SLC28A1: variants seen among roughly 807,000 people sequenced by gnomAD.
SLC28A1 encodes sodium/nucleoside cotransporter 1.
In SLC28A1, 64 loss-of-function variants were observed where a neutral mutation model predicts 74.8. That is an observed-to-expected ratio of 0.86 (90% CI 0.70 to 1.05). SLC28A1 has a LOEUF of 1.05. Among genes scored for constraint, SLC28A1 ranks in the 50% least tolerant of loss-of-function variants. The pLI is 0.00. For missense variants in SLC28A1, 828 were observed against 822.8 expected (o/e 1.01, Z -0.08); for synonymous variants, 359 against 335.0 (o/e 1.07, Z -0.78).
Position 84,943,443 on chromosome 15 carries a change from A to G in SLC28A1, c.1582-2A>G. ...CTCCTCATGCATCTTCTGTATTTTC[A>G]GGTCAGAGCTGAAGTCCTCACGACG... is the stretch of plus-strand genomic sequence containing the variant. On this transcript the variant is annotated splice_acceptor_variant, in intron 15 of 18. Transcript: ENST00000394573. LOFTEE classifies it high-confidence loss of function. 1 of 1,612,408 alleles carries G rather than the reference A, an allele frequency of 6.2e-7. No individual in the cohort carries two copies. Among genetic ancestry groups the G allele is most frequent in the South Asian group, 1.1e-5 (1 of 91,028 alleles).
chr15:84,935,032 T>C lies in SLC28A1; in HGVS notation c.1221T>C (p.Ala407=), dbSNP rs1971717909. 6.2e-7 allele frequency: 1 copy of C among 1,613,894 alleles called. No homozygotes were observed. The highest frequency in any genetic ancestry group is 1.3e-5 in the African/African-American group (1 of 74,906). Residue 407 remains alanine (A), a synonymous_variant, in exon 14 of 19, where the codon GCT becomes GCC. Coordinates refer to ENST00000394573, the MANE Select transcript of SLC28A1 (RefSeq NM_004213.5). Reference sequence around the variant, plus strand: ...TTCTTGATCCCAACAACAGAGATGCTCAGAACCTCATAGAAGCAGCCAGCA... The same window carrying C: ...TTCTTGATCCCAACAACAGAGATGCCCAGAACCTCATAGAAGCAGCCAGCA... ...EEGVKLTYGD[A]QNLIEAASTG... is the part of the protein sequence containing the mutation.
chr15:84,908,570 G>A (rs1003627702), intron 8 of SLC28A1, 148 bp from the exon 9 acceptor site: 18 of 705,710 alleles, frequency 2.6e-5, no homozygotes, highest in South Asian at 6.0e-5. Flanking sequence ...CAGCTTTAAC[G>A]CACCTTGCCA....
chr15:84,902,162 T>A (rs1966744986), intron 6 of SLC28A1, among the ~76,000 whole-genome samples: 2 of 152,214 alleles, frequency 1.3e-5, no homozygotes, highest in African/African-American at 4.8e-5. Flanking sequence ...TTTTCTTTTT[T>A]AAAAATTTAT....
intron 5 of SLC28A1, among the ~76,000 whole-genome samples, chr15:84,892,204 A>C (rs1965442348): frequency 6.6e-6 from 1 of 152,166 alleles, no homozygotes. Flanking sequence ...TTTAAAAATA[A>C]AAATAAATTT....
chr15:84,885,570 A>G (rs1031423028), intron 1 of SLC28A1, among the ~76,000 whole-genome samples: 2 of 151,934 alleles, frequency 1.3e-5, no homozygotes, highest in Non-Finnish European at 2.9e-5. Context: ...CATCTCTACT[A>G]AAAATACAAA....
the SLC28A1 span, among the ~76,000 whole-genome samples, chr15:84,974,583 G>A: frequency 6.6e-6 from 1 of 152,210 alleles, no homozygotes; most frequent in Admixed American, 6.5e-5. Flanking sequence ...GTGGAAGGCA[G>A]GGGGAGAAGC....
intron 1 of SLC28A1, among the ~76,000 whole-genome samples, chr15:84,885,599 C>T (rs62020860): frequency 0.13 from 20,277 of 151,522 alleles, 1,860 homozygotes; most frequent in Non-Finnish European, 0.2. Flanking sequence ...GGTGTGGTGG[C>T]GCATGCCTGT....
chr15:84,946,059 C>CATAT (rs1337331938), downstream of SLC28A1, among the ~76,000 whole-genome samples: 2 of 77,340 alleles, frequency 2.6e-5, no homozygotes, highest in South Asian at 9.3e-4. Context: ...TATATACATA[C>CATAT]ATATATATAT....
At chr15:84,933,728 A>G (rs1429217177) in intron 13 of SLC28A1, among the ~76,000 whole-genome samples, 1 of 152,170 alleles carries the variant, frequency 6.6e-6, no homozygotes, top group Admixed American at 6.5e-5. Flanking sequence ...TAATCCCAGC[A>G]CTTTGGGAGG....
At chr15:84,957,738 A>G in the SLC28A1 span, among the ~76,000 whole-genome samples, 1 of 152,212 alleles carries the variant, frequency 6.6e-6, no homozygotes, top group Non-Finnish European at 1.5e-5. Flanking sequence ...AAGGTTTGGA[A>G]TCAGGAAGTA....
chr15:84,904,369 A>G, intron 7 of SLC28A1, 131 bp downstream of exon 7: 1 of 1,330,386 alleles, frequency 7.5e-7, no homozygotes, highest in Non-Finnish European at 1.1e-6. Flanking sequence ...GGCCTGGAGA[A>G]GGCCTGTGTG....
At chr15:84,937,404 C>A (rs1484467915) in intron 15 of SLC28A1, among the ~76,000 whole-genome samples, 1 of 152,126 alleles carries the variant, frequency 6.6e-6, no homozygotes, top group Non-Finnish European at 1.5e-5. Flanking sequence ...GCTGTGCCTG[C>A]GAGCATTTAT....
At chr15:84,965,476 C>T in the SLC28A1 span, among the ~76,000 whole-genome samples, 1 of 152,138 alleles carries the variant, frequency 6.6e-6, no homozygotes, top group Admixed American at 6.5e-5. Context: ...TTGTTGATTC[C>T]AATAGCCATT....
chr15:84,907,881 C>G (rs959011274), intron 8 of SLC28A1, among the ~76,000 whole-genome samples: 2 of 152,152 alleles, frequency 1.3e-5, no homozygotes, highest in Admixed American at 1.3e-4. Flanking sequence ...CAGAGAGTTT[C>G]TTTTCTGGTC....
chr15:84,894,215 T>C (rs1006605691), intron 5 of SLC28A1, among the ~76,000 whole-genome samples: 1 of 151,800 alleles, frequency 6.6e-6, no homozygotes, highest in Non-Finnish European at 1.5e-5. Context: ...CTACCAAAAA[T>C]ACAAAAATTA....
At chr15:84,959,734 A>G in the SLC28A1 span, among the ~76,000 whole-genome samples, 1 of 152,128 alleles carries the variant, frequency 6.6e-6, no homozygotes, top group Non-Finnish European at 1.5e-5. Context: ...GTCTCTGAGA[A>G]TATTAATAGT....
At chr15:84,892,953 G>C (rs1965525199) in intron 5 of SLC28A1, among the ~76,000 whole-genome samples, 1 of 152,128 alleles carries the variant, frequency 6.6e-6, no homozygotes, top group Non-Finnish European at 1.5e-5. Context: ...ACCAATCCCT[G>C]TGAATGGATC....
chr15:84,897,782 G>A (rs115801639), intron 6 of SLC28A1, among the ~76,000 whole-genome samples: 4,533 of 152,096 alleles, frequency 0.03, 199 homozygotes, highest in African/African-American at 0.096. Context: ...TCGTCATCCC[G>A]CCTCCCTCCT....
intron 6 of SLC28A1, among the ~76,000 whole-genome samples, chr15:84,898,966 A>G (rs1966311511): frequency 6.6e-6 from 1 of 152,210 alleles, no homozygotes; most frequent in African/African-American, 2.4e-5. Context: ...GCCCAGAGGT[A>G]TGCAGAGAAT....
Sources: gnomAD v4.1 joint callset for allele counts (sites outside exome capture counted in the v4.1 genomes callset) on GRCh38, gnomAD v4.1.1 for gene constraint, MANE v1.5 for transcripts, NCBI Gene and HGNC (gene_info 2026-07-23, HGNC 2026-07-21) for gene names.